PIEZO2: variants seen among roughly 807,000 people sequenced by gnomAD.
The protein encoded by PIEZO2 is piezo-type mechanosensitive ion channel component 2.
In PIEZO2, 172 loss-of-function variants were observed where a neutral mutation model predicts 337.3. The ratio of observed to expected loss-of-function variants is 0.51; its 90% CI spans 0.45 to 0.58. The LOEUF (loss-of-function observed/expected upper bound fraction) is 0.58. PIEZO2 is among the 20% of genes least tolerant of loss of function. PIEZO2 has a pLI of 0.00. For synonymous variants in PIEZO2, 1,251 were observed against 1,228.5 expected, an observed-to-expected ratio of 1.02 and a Z score of -0.38; for missense variants, 3,028 against 3,391.3, an observed-to-expected ratio of 0.89 and a Z score of 2.66.
At chr18:10,860,143 G>A (rs2041835700) in intron 5 of PIEZO2, among the ~76,000 whole-genome samples, 1 of 152,148 alleles carries the variant, frequency 6.6e-6, no homozygotes, top group South Asian at 2.1e-4. Flanking sequence ...TAGGAGTCTG[G>A]AGTGTTGGAG....
chr18:10,887,284 T>C (rs1381050579), intron 4 of PIEZO2, among the ~76,000 whole-genome samples: 1 of 151,752 alleles, frequency 6.6e-6, no homozygotes, highest in Non-Finnish European at 1.5e-5. Flanking sequence ...TTAGCCACAA[T>C]GGTCTCAATC....
chr18:10,986,811 T>C (rs76200825), intron 2 of PIEZO2, among the ~76,000 whole-genome samples: 284 of 151,968 alleles, frequency 1.9e-3, no homozygotes, highest in African/African-American at 6.4e-3. Context: ...ATATTATGTT[T>C]TGAAAAACCT....
At chr18:10,852,197 G>T (rs1043095533) in intron 7 of PIEZO2, among the ~76,000 whole-genome samples, 2 of 152,136 alleles carry the variant, frequency 1.3e-5, no homozygotes, top group African/African-American at 4.8e-5. Context: ...AATATTATGT[G>T]AATATGCACT....
rs567761138 is a variant in PIEZO2, at chr18:10,750,007, C to T, written c.4264+84G>A. On this transcript the variant is annotated intron_variant, in intron 29 of 55. Transcript: ENST00000674853. This position sits in a 1 kb window ranked among gnomAD's most constrained non-coding sequence, Gnocchi z 4.1. ...GACCCCACTTTTATATCTTTATGTGCTTTGGCCCACTTTTAAAACTAGAAC... is the reference window on the plus strand; with the variant it reads ...GACCCCACTTTTATATCTTTATGTGTTTTGGCCCACTTTTAAAACTAGAAC... 5.9e-5 allele frequency: 61 copies of T among 1,034,660 alleles called. No individual in the cohort carries two copies. The highest frequency in any genetic ancestry group is 8.2e-5 in the Non-Finnish European group (57 of 692,204). The allele number at this position is 1,034,660 out of a possible 1,614,324, so 64.1% of individuals were successfully genotyped here. A position where few individuals can be genotyped will look rare whatever the true frequency, so the allele number is the denominator to read the frequency against.
intron 27 of PIEZO2, among the ~76,000 whole-genome samples, chr18:10,754,649 T>A (rs2037767573): frequency 6.6e-6 from 1 of 152,198 alleles, no homozygotes; most frequent in Non-Finnish European, 1.5e-5. Context: ...TTTCTTAGCA[T>A]CCCAGAGAAG....
chr18:10,809,925 C>T (rs1173995964), intron 7 of PIEZO2, among the ~76,000 whole-genome samples: 2 of 152,182 alleles, frequency 1.3e-5, no homozygotes, highest in Non-Finnish European at 2.9e-5. Context: ...AGAAATATCT[C>T]TTCGCTTGAG....
intron 2 of PIEZO2, among the ~76,000 whole-genome samples, chr18:10,992,000 A>G (rs533387456): frequency 2.0e-5 from 3 of 152,042 alleles, no homozygotes; most frequent in South Asian, 2.1e-4. Flanking sequence ...GCTTTTTTTC[A>G]TATGTTCATT....
chr18:11,137,473 A>T (rs1380353019), intron 1 of PIEZO2, among the ~76,000 whole-genome samples: 1 of 152,240 alleles, frequency 6.6e-6, no homozygotes, highest in Non-Finnish European at 1.5e-5. Flanking sequence ...CATTCTAGAG[A>T]TGATGTAATT....
chr18:10,720,409 GTATGTGTATGTATATA>G (rs1462925835), intron 36 of PIEZO2, among the ~76,000 whole-genome samples: 716 of 17,926 alleles, frequency 0.04, 51 homozygotes, highest in African/African-American at 0.056. Flanking sequence ...GTGTGTATGT[GTATGTGTATGTATATA>G]TATATATATA....
Position 11,001,037 on chromosome 18 carries a change from T to G in PIEZO2, c.161-21377A>C, listed in dbSNP as rs2035514153. ...ACAGCTTCCTACAGTTAAAGGCAAT[T>G]ATTGGAAAGGAACTCAGCTGTTAGG... On this transcript the variant is annotated intron_variant, in intron 2 of 55. Transcript: ENST00000674853. This position sits in a 1 kb window ranked among gnomAD's most constrained non-coding sequence, Gnocchi z 5.3. 6.6e-6 allele frequency among the ~76,000 whole-genome samples: 1 copy of G among 152,094 alleles called. No homozygotes were observed. Among genetic ancestry groups the G allele is most frequent in the South Asian group, 2.1e-4 (1 of 4,818 alleles).
chr18:10,965,771 A>T (rs2033970871), intron 3 of PIEZO2, among the ~76,000 whole-genome samples: 1 of 152,230 alleles, frequency 6.6e-6, no homozygotes, highest in Non-Finnish European at 1.5e-5. Flanking sequence ...AACATGAGGA[A>T]AGACTATGGC....
chr18:10,725,024 G>GC (rs2144002613), intron 36 of PIEZO2: 1 of 1,585,342 alleles, frequency 6.3e-7, no homozygotes, highest in Non-Finnish European at 8.7e-7. Context: ...GCCAGCAAGA[G>GC]CCCCTGCATG....
At chr18:11,004,231 T>A (rs1003703984) in intron 2 of PIEZO2, among the ~76,000 whole-genome samples, 3 of 152,162 alleles carry the variant, frequency 2.0e-5, no homozygotes, top group Non-Finnish European at 4.4e-5. Flanking sequence ...TCCCCCTGGA[T>A]GGAAATACTG....
intron 32 of PIEZO2, among the ~76,000 whole-genome samples, chr18:10,742,056 G>A (rs1158365529): frequency 6.6e-6 from 1 of 152,208 alleles, no homozygotes; most frequent in East Asian, 1.9e-4. Context: ...TCGGGAGGCT[G>A]AGGCAGGAGA....
At chr18:11,120,490 T>C (rs1045451321) in intron 1 of PIEZO2, among the ~76,000 whole-genome samples, 17 of 152,184 alleles carry the variant, frequency 1.1e-4, no homozygotes, top group Admixed American at 1.1e-3. Context: ...CCTGCTATTT[T>C]ACAAAGTGCC....
At chr18:10,810,605 C>T (rs2144358432) in intron 7 of PIEZO2, among the ~76,000 whole-genome samples, 1 of 152,276 alleles carries the variant, frequency 6.6e-6, no homozygotes, top group South Asian at 2.1e-4. Flanking sequence ...TTTTCTTTCT[C>T]CCAGACAAAA....
chr18:11,140,205 T>G lies in PIEZO2; in HGVS notation c.64+8320A>C, dbSNP rs985570582. 5.3e-5 allele frequency among the ~76,000 whole-genome samples: 8 copies of G among 152,184 alleles called. No individual in the cohort carries two copies. The East Asian group carries it at 1.5e-3, about 29-fold the overall frequency. ...TCCCCATACTTCTGGTGAAAGTGTG[T>G]CCTCTGCACCCTCCCAAGGTGGATG... On this transcript the variant is annotated intron_variant, in intron 1 of 55. Coordinates refer to ENST00000674853, the MANE Select transcript of PIEZO2 (RefSeq NM_001378183.1).
chr18:10,999,475 T>C (rs2035456750), intron 2 of PIEZO2, among the ~76,000 whole-genome samples: 3 of 152,218 alleles, frequency 2.0e-5, no homozygotes, highest in Non-Finnish European at 2.9e-5. Context: ...TTTCTTGTCC[T>C]TATTCTCTAA....
chr18:10,873,214 A>C (rs1451637355), intron 4 of PIEZO2, among the ~76,000 whole-genome samples: 1 of 152,184 alleles, frequency 6.6e-6, no homozygotes, highest in African/African-American at 2.4e-5. Flanking sequence ...GTTATCAATA[A>C]TACCTACCAT....
Sources: allele counts gnomAD v4.1 joint callset (sites outside exome capture counted in the v4.1 genomes callset), GRCh38; gene constraint gnomAD v4.1.1; non-coding constraint Gnocchi (gnomAD v3.1); transcripts MANE v1.5; gene names NCBI Gene and HGNC (gene_info 2026-07-23, HGNC 2026-07-21).